Variants in ANKS1B observed in about 807,000 individuals in gnomAD.
The protein encoded by ANKS1B is ankyrin repeat and sterile alpha motif domain containing 1B.
A neutral mutation model predicts 148.3 loss-of-function variants in ANKS1B; 36 were observed. That is an observed-to-expected ratio of 0.24 (90% CI 0.19 to 0.32). The LOEUF is 0.32. Ranked by LOEUF, ANKS1B falls within the 10% of genes least tolerant of loss-of-function variation. The pLI is 1.00. For synonymous variants in ANKS1B, 542 were observed against 560.8 expected (o/e 0.97, Z 0.47); for missense variants, 1,157 against 1,542.6 (o/e 0.75, Z 4.19).
chr12:99,971,912 T>A (rs1464592813), intron 1 of ANKS1B, among the ~76,000 whole-genome samples: 1 of 152,248 alleles, frequency 6.6e-6, no homozygotes, highest in East Asian at 1.9e-4. Context: ...TGTACTTTTT[T>A]AAAAATTGAA....
At chr12:98,755,599 T>C (rs905148134) in intron 25 of ANKS1B, among the ~76,000 whole-genome samples, 1 of 152,206 alleles carries the variant, frequency 6.6e-6, no homozygotes, top group African/African-American at 2.4e-5. Context: ...AGGGAGAACT[T>C]AATAGGTGTG....
At chr12:99,748,218 A>C (rs2060784755) in intron 8 of ANKS1B, among the ~76,000 whole-genome samples, 1 of 152,094 alleles carries the variant, frequency 6.6e-6, no homozygotes, top group Non-Finnish European at 1.5e-5. Context: ...ATTAATATCT[A>C]CCATGAACAC....
Position 99,428,851 on chromosome 12 carries a change from A to G in ANKS1B, c.1575+14822T>C, listed in dbSNP as rs2095311793. On this transcript the variant is annotated intron_variant, in intron 11 of 26. Transcript: ENST00000683438. ...ATTCCACATCTAGGACTGGAAAATC[A>G]TATATGAGATAAGCCTAGAAATCCC... Among the ~76,000 whole-genome samples the G allele has an allele frequency of 1.3e-5, 2 of 152,312 alleles. 1 individual carries two copies. The highest frequency in any genetic ancestry group is 4.1e-4 in the South Asian group (2 of 4,824).
intron 14 of ANKS1B, among the ~76,000 whole-genome samples, chr12:99,197,835 T>G (rs1269335863): frequency 6.6e-6 from 1 of 152,170 alleles, no homozygotes; most frequent in East Asian, 1.9e-4. Flanking sequence ...TCACTTTGGA[T>G]CTATTACAGA....
chr12:99,317,232 G>A (rs540875134), intron 12 of ANKS1B, among the ~76,000 whole-genome samples: 1 of 152,300 alleles, frequency 6.6e-6, no homozygotes, highest in African/African-American at 2.4e-5. Flanking sequence ...GATGGGAATG[G>A]CATTGAATCT....
At chr12:99,358,501 T>C (rs2092218834) in intron 12 of ANKS1B, among the ~76,000 whole-genome samples, 1 of 152,136 alleles carries the variant, frequency 6.6e-6, no homozygotes, top group Non-Finnish European at 1.5e-5. Context: ...GTATCTACAA[T>C]TTTCCAAGTG....
intron 15 of ANKS1B, among the ~76,000 whole-genome samples, chr12:99,123,669 G>T (rs539800348): frequency 6.6e-6 from 1 of 152,288 alleles, no homozygotes; most frequent in East Asian, 1.9e-4. Context: ...ATAAGTGCAA[G>T]AGTCCAAAAG....
chr12:98,945,518 A>C lies in ANKS1B; in HGVS notation c.2778+107639T>G, dbSNP rs1469262387. ...TCAACAAACAAACAAAAAAAAAAAAAAAAAAAAAAAAAAAAAGGGAGAGAG... is the reference window on the plus strand; with the variant it reads ...TCAACAAACAAACAAAAAAAAAAAACAAAAAAAAAAAAAAAAGGGAGAGAG... On this transcript the variant is annotated intron_variant, in intron 17 of 26. Transcript: ENST00000683438. Among the ~76,000 whole-genome samples, 85 of 150,086 alleles carry C rather than the reference A, an allele frequency of 5.7e-4. 1 individual carries two copies. The highest frequency in any genetic ancestry group is 3.4e-3 in the Middle Eastern group (1 of 294).
chr12:99,538,074 T>C (rs1355028424), intron 9 of ANKS1B, among the ~76,000 whole-genome samples: 1 of 151,670 alleles, frequency 6.6e-6, no homozygotes, highest in Non-Finnish European at 1.5e-5. Flanking sequence ...TCTAGGTGTG[T>C]TTATTTGTTT....
At chr12:99,953,347 A>T (rs1332675396) in intron 1 of ANKS1B, among the ~76,000 whole-genome samples, 1 of 152,212 alleles carries the variant, frequency 6.6e-6, no homozygotes, top group East Asian at 1.9e-4. Flanking sequence ...GAAGATGAGG[A>T]TGTTGAGGAC....
chr12:98,841,793 T>C (rs1253632562), intron 17 of ANKS1B, among the ~76,000 whole-genome samples: 8 of 152,072 alleles, frequency 5.3e-5, no homozygotes, highest in Admixed American at 5.2e-4. Context: ...TTTCTTATCG[T>C]CCCTTTTCTC....
At chr12:99,518,306 G>A (rs2096842525) in intron 9 of ANKS1B, among the ~76,000 whole-genome samples, 1 of 152,000 alleles carries the variant, frequency 6.6e-6, no homozygotes, top group African/African-American at 2.4e-5. Context: ...TTCTTTAAAT[G>A]TTTGGTAGAA....
At chr12:99,916,882 T>C (rs1277670629) in intron 1 of ANKS1B, among the ~76,000 whole-genome samples, 2 of 152,132 alleles carry the variant, frequency 1.3e-5, no homozygotes, top group Non-Finnish European at 2.9e-5. Context: ...GTCGACAAAA[T>C]AATTATTAAA....
At chr12:99,239,859 G>A (rs2153963515) in intron 14 of ANKS1B, among the ~76,000 whole-genome samples, 1 of 152,242 alleles carries the variant, frequency 6.6e-6, no homozygotes, top group East Asian at 1.9e-4. Flanking sequence ...TTACAGACAA[G>A]CAAATGCTGA....
intron 9 of ANKS1B, among the ~76,000 whole-genome samples, chr12:99,601,674 T>G (rs1386387692): frequency 6.6e-6 from 1 of 152,072 alleles, no homozygotes; most frequent in Admixed American, 6.6e-5. Context: ...AAGTTTTGCA[T>G]GACACAATAC....
intron 25 of ANKS1B, among the ~76,000 whole-genome samples, chr12:98,759,714 G>A (rs1175932995): frequency 1.3e-5 from 2 of 152,160 alleles, no homozygotes; most frequent in Non-Finnish European, 2.9e-5. Flanking sequence ...TGATTAAGTA[G>A]AATACTAGGT....
At chr12:99,830,329 A>G (rs1438286620) in intron 1 of ANKS1B, among the ~76,000 whole-genome samples, 1 of 152,216 alleles carries the variant, frequency 6.6e-6, no homozygotes, top group Non-Finnish European at 1.5e-5. Flanking sequence ...TTCTTATTAA[A>G]TAAATGCTAC....
chr12:99,371,788 T>A (rs1323915782), intron 12 of ANKS1B, among the ~76,000 whole-genome samples: 2 of 152,146 alleles, frequency 1.3e-5, no homozygotes, highest in African/African-American at 4.8e-5. Flanking sequence ...TGAAAAATAT[T>A]TTCTTTCCAC....
chr12:99,430,160 T>C (rs986166805), intron 11 of ANKS1B, among the ~76,000 whole-genome samples: 2 of 151,990 alleles, frequency 1.3e-5, no homozygotes, highest in Non-Finnish European at 2.9e-5. Context: ...TTAAAATCCA[T>C]GAAGATCACT....
Sources: allele counts gnomAD v4.1 joint callset (sites outside exome capture counted in the v4.1 genomes callset), GRCh38; gene constraint gnomAD v4.1.1; transcripts MANE v1.5; gene names NCBI Gene and HGNC (gene_info 2026-07-23, HGNC 2026-07-21).